Variants in CHODL observed in about 807,000 individuals in gnomAD.
CHODL encodes transmembrane protein MT75.
In CHODL, 29 loss-of-function variants were observed where a neutral mutation model predicts 34.5. That is an observed-to-expected ratio of 0.84 (90% CI 0.63 to 1.15). The LOEUF is 1.15. CHODL is among the 50% of genes most tolerant of loss of function. The pLI, the probability that CHODL is intolerant of heterozygous loss-of-function variation, is 0.00. For synonymous variants in CHODL, 125 were observed against 116.1 expected (o/e 1.08, Z -0.49); for missense variants, 332 against 332.5 (o/e 1.00, Z 0.01).
At chr21:18,126,868 A>C (rs913099726) in intron 2 of CHODL, among the ~76,000 whole-genome samples, 1 of 152,234 alleles carries the variant, frequency 6.6e-6, no homozygotes, top group Non-Finnish European at 1.5e-5. Context: ...GACTCCTAAC[A>C]GAAATGACAA....
intron 1 of CHODL, among the ~76,000 whole-genome samples, chr21:17,990,712 A>G (rs574954357): frequency 6.6e-6 from 1 of 152,242 alleles, no homozygotes; most frequent in East Asian, 1.9e-4. Context: ...AATTGTACAT[A>G]TTTATAGGAT....
intron 2 of CHODL, among the ~76,000 whole-genome samples, chr21:18,200,286 T>C (rs1305909646): frequency 6.6e-6 from 1 of 152,184 alleles, no homozygotes; most frequent in African/African-American, 2.4e-5. Flanking sequence ...ATCTAAAGAA[T>C]TATACTGACA....
intron 2 of CHODL, among the ~76,000 whole-genome samples, chr21:18,106,906 C>T (rs1226713012): frequency 6.6e-6 from 1 of 152,158 alleles, no homozygotes; most frequent in Admixed American, 6.5e-5. Flanking sequence ...ACCCTGACAC[C>T]ACCCTGTGGT....
chr21:18,163,787 G>T (rs71319674), intron 2 of CHODL, among the ~76,000 whole-genome samples: 6,094 of 117,112 alleles, frequency 0.052, 161 homozygotes, highest in Non-Finnish European at 0.091. Context: ...TCATGTACAG[G>T]TTTTCTGTGT....
rs1174462609 is a variant in CHODL at position 18,028,226 on chromosome 21, TCCCC to T, written c.-45+256_-45+259del. Among the ~76,000 whole-genome samples, 37 of 40,590 alleles carry T rather than the reference TCCCC, an allele frequency of 9.1e-4. 1 individual carries two copies. The South Asian group carries it at 0.011, about 12-fold the overall frequency. 26.6% of individuals were successfully genotyped at this position (40,590 alleles called of 152,430 possible). Reference sequence around the variant, plus strand: ...TAGCTCTTCCTCCCCTCCCCTCCCCTCCCCTCCCCTTCCCCTTCCCCTTTTCCTT... The same window carrying T: ...TAGCTCTTCCTCCCCTCCCCTCCCCTTCCCCTTCCCCTTCCCCTTTTCCTT... On this transcript the variant is annotated intron_variant, in intron 2 of 6. Transcript: ENST00000400127.
At chr21:17,967,041 T>C (rs1001436004) in intron 1 of CHODL, among the ~76,000 whole-genome samples, 34 of 151,862 alleles carry the variant, frequency 2.2e-4, no homozygotes, top group Non-Finnish European at 4.3e-4. Flanking sequence ...CCCACCACCA[T>C]GCCTGGCTAA....
intron 1 of CHODL, among the ~76,000 whole-genome samples, chr21:17,919,866 A>G (rs1402973399): frequency 1.3e-5 from 2 of 152,206 alleles, no homozygotes; most frequent in African/African-American, 4.8e-5. Flanking sequence ...TTCTTTTGCC[A>G]GATACCCTAA....
intron 2 of CHODL, among the ~76,000 whole-genome samples, chr21:18,159,486 G>A (rs2073071939): frequency 6.6e-6 from 1 of 152,102 alleles, no homozygotes; most frequent in Non-Finnish European, 1.5e-5. Flanking sequence ...TATTATTGGA[G>A]TGAATTTGTT....
chr21:17,938,941 G>A (rs2146328342), intron 1 of CHODL, among the ~76,000 whole-genome samples: 1 of 151,834 alleles, frequency 6.6e-6, no homozygotes, highest in East Asian at 1.9e-4. Flanking sequence ...TTTAAATATT[G>A]CTCCTTATCA....
At chr21:18,149,453 G>C (rs910214093) in intron 2 of CHODL, among the ~76,000 whole-genome samples, 5 of 152,110 alleles carry the variant, frequency 3.3e-5, no homozygotes. Flanking sequence ...GAAATTTGGG[G>C]GGGTTCTTTT....
chr21:18,058,016 A>G (rs1333832160), intron 2 of CHODL, among the ~76,000 whole-genome samples: 2 of 152,104 alleles, frequency 1.3e-5, no homozygotes, highest in Non-Finnish European at 2.9e-5. Flanking sequence ...GAAAGATTCT[A>G]TACATTATTG....
chr21:17,952,057 G>A (rs1426624412), intron 1 of CHODL, among the ~76,000 whole-genome samples: 2 of 151,902 alleles, frequency 1.3e-5, no homozygotes, highest in Non-Finnish European at 1.5e-5. Context: ...AACATAGGGA[G>A]ACCCCATCTC....
intron 2 of CHODL, among the ~76,000 whole-genome samples, chr21:18,090,367 G>C (rs897642666): frequency 6.6e-6 from 1 of 152,154 alleles, no homozygotes; most frequent in African/African-American, 2.4e-5. Context: ...AGAGCCTGCT[G>C]GTCAAGAAGC....
chr21:18,210,320 T>A (rs763013977), intron 2 of CHODL, among the ~76,000 whole-genome samples: 1 of 152,186 alleles, frequency 6.6e-6, no homozygotes, highest in African/African-American at 2.4e-5. Flanking sequence ...CCCTCCCCGA[T>A]GTGCACAGAT....
At chr21:18,240,011 AT>A (rs2074066534), upstream of CHODL, among the ~76,000 whole-genome samples, 1 of 152,028 alleles carries the variant, frequency 6.6e-6, no homozygotes, top group South Asian at 2.1e-4. Flanking sequence ...AGTGAAATAA[AT>A]TGTAAAGCTG....
intron 1 of CHODL, among the ~76,000 whole-genome samples, chr21:17,978,634 C>T (rs1332211657): frequency 6.7e-6 from 1 of 149,204 alleles, no homozygotes; most frequent in Non-Finnish European, 1.5e-5. Context: ...AGGAGAATGG[C>T]GTGAACCCAG....
chr21:18,250,265 A>G (rs544486145), intron 1 of CHODL, among the ~76,000 whole-genome samples: 20 of 152,164 alleles, frequency 1.3e-4, no homozygotes, highest in African/African-American at 4.8e-4. Flanking sequence ...TTAAGTCACA[A>G]TGATACTTGG....
chr21:18,255,553 T>G (rs1235310032), intron 1 of CHODL, among the ~76,000 whole-genome samples: 1 of 152,098 alleles, frequency 6.6e-6, no homozygotes, highest in East Asian at 1.9e-4. Context: ...AAAGACCAGT[T>G]TGGCCAAATT....
chr21:18,119,721 G>C (rs1440692861), intron 2 of CHODL, among the ~76,000 whole-genome samples: 4 of 152,052 alleles, frequency 2.6e-5, no homozygotes, highest in Non-Finnish European at 4.4e-5. Flanking sequence ...GTGGAGGAAA[G>C]AGAACATAAA....
Sources: gnomAD v4.1 joint callset for allele counts (sites outside exome capture counted in the v4.1 genomes callset) on GRCh38, gnomAD v4.1.1 for gene constraint, MANE v1.5 for transcripts, NCBI Gene and HGNC (gene_info 2026-07-23, HGNC 2026-07-21) for gene names.